CBL: variants seen among roughly 807,000 people sequenced by gnomAD.
The protein encoded by CBL is Cbl proto-oncogene, also known as E3 ubiquitin-protein ligase CBL.
CBL carries 45 observed loss-of-function variants against 96.9 expected under a neutral mutation model. That is an observed-to-expected ratio of 0.46 (90% confidence interval 0.37 to 0.60). The LOEUF is 0.60. Among genes scored for constraint, CBL ranks in the 20% least tolerant of loss-of-function variants. CBL has a pLI of 0.00. For synonymous variants in CBL, 420 were observed against 426.8 expected (o/e 0.98, Z 0.20); for missense variants, 1,024 against 1,143.5 (o/e 0.90, Z 1.51).
At chr11:119,270,416 T>TTATA (rs142299271) in intron 2 of CBL, among the ~76,000 whole-genome samples, 797 of 74,284 alleles carry the variant, frequency 0.011, 28 homozygotes, top group East Asian at 0.022. Context: ...CAGCTAATTT[T>TTATA]TATATATATA....
At chr11:119,222,466 C>T (rs1325538503) in intron 1 of CBL, among the ~76,000 whole-genome samples, 1 of 152,170 alleles carries the variant, frequency 6.6e-6, no homozygotes, top group Non-Finnish European at 1.5e-5. Context: ...GGCAGCTGTA[C>T]AAGGATACTG....
chr11:119,254,544 G>A (rs1043436074), intron 2 of CBL, among the ~76,000 whole-genome samples: 2 of 151,936 alleles, frequency 1.3e-5, no homozygotes, highest in East Asian at 1.9e-4. Flanking sequence ...TGGTAAGTAT[G>A]TATTTTAACA....
intron 1 of CBL, among the ~76,000 whole-genome samples, chr11:119,215,220 T>G (rs1949349721): frequency 6.6e-6 from 1 of 152,150 alleles, no homozygotes; most frequent in Non-Finnish European, 1.5e-5. Context: ...AGGAAAAACC[T>G]ATTTTTAGTA....
intron 1 of CBL, among the ~76,000 whole-genome samples, chr11:119,221,899 G>C (rs112038301): frequency 7.4e-4 from 113 of 152,184 alleles, no homozygotes; most frequent in Middle Eastern, 6.8e-3. Flanking sequence ...CATTTACAGA[G>C]ACCCGGAAGG....
chr11:119,281,152 T>G (rs1210987899), intron 9 of CBL, among the ~76,000 whole-genome samples: 1 of 152,190 alleles, frequency 6.6e-6, no homozygotes, highest in Admixed American at 6.5e-5. Context: ...CTGCTCCAGT[T>G]ACTCCTGTGC....
chr11:119,215,861 G>A (rs1158387540), intron 1 of CBL, among the ~76,000 whole-genome samples: 1 of 152,114 alleles, frequency 6.6e-6, no homozygotes, highest in Admixed American at 6.6e-5. Context: ...TAGAAGAGGG[G>A]CATTTAACAA....
At chr11:119,268,261 T>G (rs751577558) in intron 2 of CBL, among the ~76,000 whole-genome samples, 1 of 152,096 alleles carries the variant, frequency 6.6e-6, no homozygotes, top group African/African-American at 2.4e-5. Flanking sequence ...GGCTGGAATT[T>G]TAATTTTAAT....
intron 2 of CBL, 71 bp from the exon 3 acceptor site, chr11:119,271,664 A>G (rs896529671): frequency 8.1e-7 from 1 of 1,227,112 alleles, no homozygotes. Flanking sequence ...TACATCTTGT[A>G]TGGTGAATTT....
chr11:119,303,431 C>T lies in CBL; in HGVS notation c.*3650C>T, dbSNP rs1192207057. On this transcript the variant is annotated 3_prime_UTR_variant, in exon 16 of 16. Transcript: ENST00000264033. The stretch of plus-strand genomic sequence containing the variant: ...CAGAAATGTCAGGTATGTGTCCTTC[C>T]CTTGGCGCCACATAGTAGTTTACTA... 1.7e-5 allele frequency: 4 copies of T among 233,414 alleles called. No homozygotes were observed. The highest frequency in any genetic ancestry group is 2.5e-5 in the Non-Finnish European group (3 of 118,000). 14.5% of individuals were successfully genotyped at this position (233,414 alleles called of 1,614,324 possible). A position where few individuals can be genotyped will look rare whatever the true frequency, so the allele number is the denominator to read the frequency against.
intron 1 of CBL, 67 bp from the exon 2 acceptor site, chr11:119,232,381 A>G (rs1005003473): frequency 4.5e-6 from 7 of 1,567,112 alleles, no homozygotes; most frequent in African/African-American, 4.1e-5. Flanking sequence ...TAACTTTCTT[A>G]AACTTAAAAA....
chr11:119,232,420 A>G (rs1949510361), intron 1 of CBL, 28 bp from the exon 2 acceptor site: 2 of 1,611,118 alleles, frequency 1.2e-6, no homozygotes, highest in East Asian at 2.2e-5. Context: ...TTCTCCAAGT[A>G]ATAGCCCTTC....
chr11:119,295,975 C>T (rs58070691), intron 12 of CBL, among the ~76,000 whole-genome samples: 141 of 152,134 alleles, frequency 9.3e-4, no homozygotes, highest in Middle Eastern at 3.4e-3. Flanking sequence ...TTCCCATTAA[C>T]GGCAAAAAAC....
At chr11:119,259,893 C>G (rs1297607877) in intron 2 of CBL, among the ~76,000 whole-genome samples, 1 of 152,102 alleles carries the variant, frequency 6.6e-6, no homozygotes, top group African/African-American at 2.4e-5. Flanking sequence ...CTTTTGTATC[C>G]TTCCGATTCT....
chr11:119,232,978 G>A (rs1047681063), intron 2 of CBL, among the ~76,000 whole-genome samples: 2 of 152,104 alleles, frequency 1.3e-5, no homozygotes, highest in Non-Finnish European at 2.9e-5. Flanking sequence ...AAAGTTTGTG[G>A]GCAGGTGGGA....
At position 119,276,001 on chromosome 11, in the gene CBL, A is replaced by G; in HGVS notation, c.874A>G (p.Ile292Val). ...QKFIHKPGSY[I>V]FRLSCTRLGQ... ...TCTGTTTATGTCTGTTCATAGTTAT[A>G]TCTTCCGGCTGAGCTGTACTCGTCT... Residue 292 changes from isoleucine (I) to valine (V), a missense_variant, in exon 6 of 16, where the codon ATC becomes GTC. By Grantham distance (29) the Ile-to-Val change is conservative (BLOSUM62 3). Around this residue, in one of 4 missense-constraint regions of CBL, gnomAD observed 192 missense variants for 321.8 expected, o/e 0.60. Transcript: ENST00000264033. 1.2e-6 allele frequency: 2 copies of G among 1,614,150 alleles called. No individual in the cohort carries two copies. The highest frequency in any genetic ancestry group is 1.3e-5 in the African/African-American group (1 of 75,046).
In CBL at chr11:119,270,437, T is replaced by C. The variant is rs1224779468; in HGVS notation, c.444-1298T>C. On this transcript the variant is annotated intron_variant, in intron 2 of 15. Coordinates refer to ENST00000264033, the MANE Select transcript of CBL (RefSeq NM_005188.4). The stretch of plus-strand genomic sequence containing the variant: ...ATTTTTATATATATATATATATATA[T>C]TTTTTTTTTTTTTTTTTTTTTTTTT... Among the ~76,000 whole-genome samples the C allele has an allele frequency of 9.2e-4, 17 of 18,420 alleles. 1 individual carries two copies. Among genetic ancestry groups the C allele is most frequent in the African/African-American group, 4.4e-3 (13 of 2,938 alleles). 12.1% of individuals were successfully genotyped at this position (18,420 alleles called of 152,430 possible).
intron 15 of CBL, 83 bp from the exon 16 acceptor site, chr11:119,299,412 C>G: frequency 7.7e-7 from 1 of 1,298,736 alleles, no homozygotes; most frequent in Non-Finnish European, 1.1e-6. Flanking sequence ...TCAGTAATAT[C>G]TTGATATTAG....
intron 12 of CBL, among the ~76,000 whole-genome samples, chr11:119,292,146 C>T (rs1950031788): frequency 6.6e-6 from 1 of 152,184 alleles, no homozygotes; most frequent in African/African-American, 2.4e-5. Flanking sequence ...AGCCACTGCA[C>T]CCTGGCCTCC....
Position 119,284,979 on chromosome 11 carries a change from C to T in CBL, c.1442C>T (p.Pro481Leu), listed in dbSNP as rs2135309937. The change falls in exon 10 of 16, where the codon CCG (proline) becomes CTG (leucine). Residue 481 changes from proline (P) to leucine (L), a missense_variant. Around this residue, in one of 4 missense-constraint regions of CBL, gnomAD observed 695 missense variants for 661.6 expected, o/e 1.05. Transcript: ENST00000264033. ...KELAGAKVER[P>L]PSPFSMAPQA... ...TTTTATGTACCCTAGGTGGAACGGC[C>T]GCCTTCTCCATTCTCCATGGCCCCA... 4 of 1,614,110 alleles carry T rather than the reference C, an allele frequency of 2.5e-6. No homozygotes were observed. Among genetic ancestry groups the T allele is most frequent in the Non-Finnish European group, 3.4e-6 (4 of 1,180,028 alleles).
Sources: gnomAD v4.1 joint callset for allele counts (sites outside exome capture counted in the v4.1 genomes callset) on GRCh38, gnomAD v4.1.1 for gene constraint, gnomAD v4.1.1 regional missense constraint, MANE v1.5 for transcripts, NCBI Gene and HGNC (gene_info 2026-07-23, HGNC 2026-07-21) for gene names.